The following TMEM232 variants were observed in gnomAD, a reference collection of about 807,000 sequenced individuals.
The protein encoded by TMEM232 is transmembrane protein 232.
In TMEM232, 80 loss-of-function variants were observed where a neutral mutation model predicts 78.8. That is an observed-to-expected ratio of 1.01 (90% CI 0.85 to 1.22). The LOEUF (loss-of-function observed/expected upper bound fraction) is 1.22, where lower values mean the gene tolerates loss of function less well. Among genes scored for constraint, TMEM232 ranks in the 50% most tolerant of loss-of-function variants. TMEM232 has a pLI of 0.00. For missense variants in TMEM232, 881 were observed against 742.2 expected, an observed-to-expected ratio of 1.19 and a Z score of -2.17; for synonymous variants, 297 against 254.3, an observed-to-expected ratio of 1.17 and a Z score of -1.60.
At chr5:110,411,563 A>G (rs956341008) in intron 2 of TMEM232, among the ~76,000 whole-genome samples, 1 of 152,196 alleles carries the variant, frequency 6.6e-6, no homozygotes, top group African/African-American at 2.4e-5. Context: ...AGAAATTTTC[A>G]TCATATAAAA....
At chr5:110,524,438 A>C (rs577190248) in intron 12 of TMEM232, among the ~76,000 whole-genome samples, 2 of 151,358 alleles carry the variant, frequency 1.3e-5, no homozygotes, top group South Asian at 4.2e-4. Context: ...AAGAAAAGAA[A>C]AGAAAGGAAA....
chr5:110,674,296 TAATA>T (rs1791749938), intron 1 of TMEM232, among the ~76,000 whole-genome samples: 1 of 152,192 alleles, frequency 6.6e-6, no homozygotes, highest in African/African-American at 2.4e-5. Context: ...ATAAATGTAG[TAATA>T]AATGTAAATT....
intron 2 of TMEM232, among the ~76,000 whole-genome samples, chr5:110,655,482 G>C (rs968445500): frequency 7.0e-5 from 10 of 142,582 alleles, no homozygotes; most frequent in South Asian, 2.5e-4. Flanking sequence ...TTCAACCATT[G>C]TGGAAGTCAG....
intron 2 of TMEM232, among the ~76,000 whole-genome samples, chr5:110,659,193 T>C (rs1316895174): frequency 6.6e-6 from 1 of 152,154 alleles, no homozygotes; most frequent in Non-Finnish European, 1.5e-5. Context: ...TTAATAATCA[T>C]AATAATTGTA....
chr5:110,537,776 A>G (rs1185380358), intron 11 of TMEM232, among the ~76,000 whole-genome samples: 1 of 152,216 alleles, frequency 6.6e-6, no homozygotes, highest in East Asian at 1.9e-4. Context: ...ACTGATATAC[A>G]ACAATGTAAG....
chr5:110,415,573 C>G (rs1160823981), downstream of TMEM232, among the ~76,000 whole-genome samples: 1 of 151,672 alleles, frequency 6.6e-6, no homozygotes, highest in Admixed American at 6.6e-5. Flanking sequence ...CCTATGAGGC[C>G]ATAAGTCTCA....
At position 110,662,516 on chromosome 5, in the gene TMEM232, CA is replaced by C. The variant is rs375288532; in HGVS notation, c.125+4711del. Among the ~76,000 whole-genome samples the C allele has an allele frequency of 3.7e-4, 57 of 152,094 alleles. No individual in the cohort carries two copies. The East Asian group carries it at 5.8e-3, about 15-fold the overall frequency. On this transcript the variant is annotated intron_variant, in intron 2 of 13. Transcript: ENST00000455884. ...AACATAAATTATGACAAGCTGGTTT[CA>C]AAATTAATATGCAAGATACCACTGA...
Position 110,732,923 on chromosome 5 carries a change from C to A in TMEM232, c.-13+1980G>T, listed in dbSNP as rs189237359. On this transcript the variant is annotated intron_variant, in intron 2 of 4. Transcript: ENST00000512886. Reference sequence around the variant, plus strand: ...AGAGAAAATATTTGCAAACTGTGTACCTGACAAAAGTCTAATATCCAGTAT... The same window carrying A: ...AGAGAAAATATTTGCAAACTGTGTAACTGACAAAAGTCTAATATCCAGTAT... Among the ~76,000 whole-genome samples, 518 of 152,128 alleles carry A rather than the reference C, an allele frequency of 3.4e-3. 3 individuals are homozygous for A. The highest frequency in any genetic ancestry group is 0.012 in the African/African-American group (494 of 41,502).
intron 11 of TMEM232, among the ~76,000 whole-genome samples, chr5:110,558,695 G>A (rs1441321806): frequency 6.6e-6 from 1 of 152,120 alleles, no homozygotes; most frequent in Non-Finnish European, 1.5e-5. Context: ...GGTAAACTTT[G>A]GAGGATGGGC....
At chr5:110,507,143 A>G (rs1767000854) in intron 12 of TMEM232, among the ~76,000 whole-genome samples, 1 of 152,212 alleles carries the variant, frequency 6.6e-6, no homozygotes, top group South Asian at 2.1e-4. Flanking sequence ...TATTTTCACA[A>G]CATTGGGATT....
intron 12 of TMEM232, among the ~76,000 whole-genome samples, chr5:110,432,883 G>C (rs1238007935): frequency 6.6e-6 from 1 of 151,418 alleles, no homozygotes; most frequent in African/African-American, 2.4e-5. Context: ...AGTCAAAAAT[G>C]ACAAAAAAGC....
At chr5:110,403,453 C>G (rs952536419) in intron 2 of TMEM232, among the ~76,000 whole-genome samples, 1 of 152,012 alleles carries the variant, frequency 6.6e-6, no homozygotes, top group African/African-American at 2.4e-5. Context: ...TTGATCTGTG[C>G]AGCTTCGGCT....
At chr5:110,568,655 T>C in intron 10 of TMEM232, 30 bp from the exon 11 acceptor site, 1 of 1,512,632 alleles carries the variant, frequency 6.6e-7, no homozygotes. Context: ...CTTTGGGAAT[T>C]ATCATTTTAT....
chr5:110,559,680 T>C (rs1184702146), intron 11 of TMEM232, among the ~76,000 whole-genome samples: 1 of 152,160 alleles, frequency 6.6e-6, no homozygotes, highest in South Asian at 2.1e-4. Flanking sequence ...TTTTTCAGTA[T>C]TGGTAAGGAT....
At chr5:110,498,822 T>A (rs546277406) in intron 12 of TMEM232, among the ~76,000 whole-genome samples, 1 of 152,186 alleles carries the variant, frequency 6.6e-6, no homozygotes, top group African/African-American at 2.4e-5. Flanking sequence ...TTCCTAAGAC[T>A]AAAAGCTAAA....
chr5:110,636,450 G>A (rs139474501), intron 5 of TMEM232, among the ~76,000 whole-genome samples: 9 of 152,018 alleles, frequency 5.9e-5, no homozygotes, highest in African/African-American at 1.7e-4. Flanking sequence ...TACTCAAAGC[G>A]ATGGATACCC....
intron 11 of TMEM232, among the ~76,000 whole-genome samples, chr5:110,542,344 A>T (rs1278803843): frequency 6.6e-6 from 1 of 152,146 alleles, no homozygotes; most frequent in African/African-American, 2.4e-5. Context: ...TATAACAAAC[A>T]TTCCTTACAG....
At chr5:110,618,408 G>A in intron 8 of TMEM232, 21 bp downstream of exon 8, 1 of 1,547,668 alleles carries the variant, frequency 6.5e-7, no homozygotes, top group Non-Finnish European at 8.7e-7. Context: ...AGTTACTTTG[G>A]ATTTATAGGA....
rs553933846 is a variant in TMEM232 at position 110,496,017 on chromosome 5, A to C, written c.1703+32571T>G. 3.0e-4 allele frequency among the ~76,000 whole-genome samples: 46 copies of C among 151,934 alleles called. 1 individual carries two copies. Among genetic ancestry groups the C allele is most frequent in the African/African-American group, 1.1e-3 (46 of 41,532 alleles). The stretch of plus-strand genomic sequence containing the variant: ...CTTTTTGCATTATTTTTCAAGTTAG[A>C]TATAGTTATTTATAATTCAATCCTG... On this transcript the variant is annotated intron_variant, in intron 12 of 13. Coordinates refer to ENST00000455884, the MANE Select transcript of TMEM232 (RefSeq NM_001039763.4).
Sources: allele counts gnomAD v4.1 joint callset (sites outside exome capture counted in the v4.1 genomes callset), GRCh38; gene constraint gnomAD v4.1.1; transcripts MANE v1.5; gene names NCBI Gene and HGNC (gene_info 2026-07-23, HGNC 2026-07-21).